The following SRD5A1 variants were observed in gnomAD, a reference collection of about 807,000 sequenced individuals.
SRD5A1 encodes the protein steroid 5 alpha-reductase 1.
SRD5A1 carries 22 observed loss-of-function variants against 28.2 expected under a neutral mutation model. The observed-to-expected ratio is 0.78, with a 90% CI of 0.56 to 1.12. The LOEUF (loss-of-function observed/expected upper bound fraction) is 1.12. SRD5A1 is among the 50% of genes most tolerant of loss of function. The pLI, the probability that SRD5A1 is intolerant of heterozygous loss-of-function variation, is 0.00. For missense variants in SRD5A1, 300 were observed against 346.7 expected (o/e 0.87, Z 1.07); for synonymous variants, 151 against 135.0 (o/e 1.12, Z -0.82).
chr5:6,668,971 C>G lies in SRD5A1; in HGVS notation c.*703C>G, dbSNP rs1561007984. The stretch of plus-strand genomic sequence containing the variant: ...AGCTGCTCTGCCTGTGTGAGTGGCT[C>G]CTGGGCCCTAAACAGGCACCTTTAG... On this transcript the variant is annotated 3_prime_UTR_variant, in exon 5 of 5. Transcript: ENST00000274192. 6.6e-6 allele frequency: 1 copy of G among 152,282 alleles called. No homozygotes were observed. Among genetic ancestry groups the G allele is most frequent in the Non-Finnish European group, 1.5e-5 (1 of 68,102 alleles). 9.4% of individuals were successfully genotyped at this position (152,282 alleles called of 1,614,324 possible).
intron 4 of SRD5A1, 104 bp downstream of exon 4, chr5:6,663,070 C>T (rs1392056377): frequency 1.4e-6 from 2 of 1,404,908 alleles, no homozygotes; most frequent in East Asian, 2.4e-5. Context: ...CGCTGAATTC[C>T]AGTTTATTCT....
chr5:6,668,260 T>G lies in SRD5A1; in HGVS notation c.772T>G (p.Leu258Val), dbSNP rs932876827. ...GTTCAGAAAAATTATAATTCCATTT[T>G]TGTTTTAAGTGCGTTTTTCATGAAA... ...PKFRKIIIPF[L>V]F The change falls in exon 5 of 5, where the codon TTG becomes GTG. Residue 258 changes from leucine (L) to valine (V), a missense_variant. Physicochemically the swap from Leu to Val is conservative, Grantham distance 32. Around this residue, in one of 2 missense-constraint regions of SRD5A1, gnomAD observed 126 missense variants for 185.7 expected, o/e 0.68. Coordinates refer to ENST00000274192, the MANE Select transcript of SRD5A1 (RefSeq NM_001047.4). 6.3e-7 allele frequency: 1 copy of G among 1,583,602 alleles called. No individual in the cohort carries two copies. Among genetic ancestry groups the G allele is most frequent in the African/African-American group, 1.4e-5 (1 of 73,992 alleles).
At chr5:6,637,755 G>GTA (rs1560992917) in intron 1 of SRD5A1, among the ~76,000 whole-genome samples, 1 of 152,062 alleles carries the variant, frequency 6.6e-6, no homozygotes, top group African/African-American at 2.4e-5. Context: ...TGCCCAGAGT[G>GTA]CACAGTCAGA....
chr5:6,637,386 C>G (rs1361351771), intron 1 of SRD5A1, among the ~76,000 whole-genome samples: 1 of 152,178 alleles, frequency 6.6e-6, no homozygotes, highest in Non-Finnish European at 1.5e-5. Context: ...CTTCTTCACT[C>G]TTCCCCACTG....
At chr5:6,653,962 AGTTTAT>A (rs374921322) in intron 2 of SRD5A1, among the ~76,000 whole-genome samples, 110 of 152,318 alleles carry the variant, frequency 7.2e-4, no homozygotes, top group African/African-American at 2.6e-3. Context: ...TATTGCCTAG[AGTTTAT>A]TGTTTTTGTG....
intron 1 of SRD5A1, among the ~76,000 whole-genome samples, chr5:6,635,041 G>T (rs1200839529): frequency 6.6e-6 from 1 of 152,198 alleles, no homozygotes; most frequent in East Asian, 1.9e-4. Flanking sequence ...GAGACAGGAA[G>T]AACTCAGTGT....
chr5:6,639,719 C>T (rs1738304771), intron 1 of SRD5A1, among the ~76,000 whole-genome samples: 1 of 152,170 alleles, frequency 6.6e-6, no homozygotes, highest in African/African-American at 2.4e-5. Context: ...TTCTCCGTGT[C>T]TCTCATTCTG....
intron 3 of SRD5A1, among the ~76,000 whole-genome samples, chr5:6,660,099 G>A (rs1738959143): frequency 6.6e-6 from 1 of 152,206 alleles, no homozygotes; most frequent in Non-Finnish European, 1.5e-5. Context: ...GAGGTGCACA[G>A]GTGTGACGTC....
At chr5:6,653,161 GA>G (rs1391668615) in intron 2 of SRD5A1, among the ~76,000 whole-genome samples, 2 of 152,134 alleles carry the variant, frequency 1.3e-5, no homozygotes, top group Admixed American at 1.3e-4. Context: ...GTTGCTGAGA[GA>G]TCCCTTTCAC....
rs924494749 is a variant in SRD5A1 at position 6,671,119 on chromosome 5, C to T, written c.*2851C>T. 6.6e-6 allele frequency: 1 copy of T among 152,182 alleles called. No individual in the cohort carries two copies. The highest frequency in any genetic ancestry group is 1.5e-5 in the Non-Finnish European group (1 of 68,038). 9.4% of individuals were successfully genotyped at this position (152,182 alleles called of 1,614,324 possible). A position where few individuals can be genotyped will look rare whatever the true frequency, so the allele number is the denominator to read the frequency against. ...GTGGCTCTAATAGTTTACATTCCCA[C>T]CAGCAGTGTGGAAGTGTTCCATGAT... On this transcript the variant is annotated 3_prime_UTR_variant, in exon 5 of 5. Transcript: ENST00000274192.
chr5:6,665,145 C>T (rs1469946445), intron 4 of SRD5A1, among the ~76,000 whole-genome samples: 5 of 152,176 alleles, frequency 3.3e-5, no homozygotes, highest in Admixed American at 2.6e-4. Flanking sequence ...GAAGGCCATG[C>T]GAAGATGGAC....
In SRD5A1 at chr5:6,636,697, A is replaced by G. The variant is rs8192136; in HGVS notation, c.293+2828A>G. On this transcript the variant is annotated intron_variant, in intron 1 of 4. Coordinates refer to ENST00000274192, the MANE Select transcript of SRD5A1 (RefSeq NM_001047.4). ...TCAGGTCAAGGAGGGAGGAAAGGTG[A>G]AGGAAGGGATAGAGGGAATGGTGCG... 2.2e-4 allele frequency among the ~76,000 whole-genome samples: 33 copies of G among 152,278 alleles called. No homozygotes were observed. In the East Asian group the frequency reaches 6.4e-3, roughly 29 times the overall value.
intron 4 of SRD5A1, among the ~76,000 whole-genome samples, chr5:6,664,885 A>G (rs1431569663): frequency 2.0e-5 from 3 of 146,994 alleles, no homozygotes; most frequent in African/African-American, 4.9e-5. Flanking sequence ...AGAAAAACAG[A>G]GGGGTCTGCG....
At chr5:6,657,423 G>A (rs1738865541) in intron 3 of SRD5A1, among the ~76,000 whole-genome samples, 1 of 152,244 alleles carries the variant, frequency 6.6e-6, no homozygotes, top group Non-Finnish European at 1.5e-5. Context: ...CCTCTGGCAG[G>A]TACAGTGGCT....
chr5:6,645,705 A>G (rs1257262425), intron 1 of SRD5A1, among the ~76,000 whole-genome samples: 2 of 151,874 alleles, frequency 1.3e-5, no homozygotes, highest in Non-Finnish European at 2.9e-5. Context: ...TGTAATCATC[A>G]CCGCAAATCA....
At chr5:6,637,096 G>A (rs1389993469) in intron 1 of SRD5A1, among the ~76,000 whole-genome samples, 1 of 152,084 alleles carries the variant, frequency 6.6e-6, no homozygotes, top group African/African-American at 2.4e-5. Context: ...TGGGTTCTTG[G>A]GTGCAGGGGC....
At chr5:6,656,262 A>G (rs530602477) in intron 3 of SRD5A1, 83 bp downstream of exon 3, 1 of 1,006,832 alleles carries the variant, frequency 9.9e-7, no homozygotes, top group Admixed American at 2.2e-5. Context: ...TCTAAGAAGT[A>G]GTAGCGTAGT....
chr5:6,638,875 A>G (rs1738278634), intron 1 of SRD5A1, among the ~76,000 whole-genome samples: 1 of 152,242 alleles, frequency 6.6e-6, no homozygotes, highest in African/African-American at 2.4e-5. Flanking sequence ...ATAGATTTCA[A>G]TGGTCTCACG....
At chr5:6,642,125 A>G (rs1011774667) in intron 1 of SRD5A1, among the ~76,000 whole-genome samples, 3 of 152,258 alleles carry the variant, frequency 2.0e-5, no homozygotes, top group Non-Finnish European at 2.9e-5. Context: ...TGAGAAGAAT[A>G]GAATTCTTTT....
Sources: gnomAD v4.1 joint callset for allele counts (sites outside exome capture counted in the v4.1 genomes callset) on GRCh38, gnomAD v4.1.1 for gene constraint, gnomAD v4.1.1 regional missense constraint, MANE v1.5 for transcripts, NCBI Gene and HGNC (gene_info 2026-07-23, HGNC 2026-07-21) for gene names.